KCNU1: variants seen among roughly 807,000 people sequenced by gnomAD.
KCNU1 encodes the protein potassium channel subfamily U member 1.
In KCNU1, 93 loss-of-function variants were observed where a neutral mutation model predicts 126.8. The ratio of observed to expected loss-of-function variants is 0.73; its 90% CI spans 0.62 to 0.87. KCNU1 has a LOEUF of 0.87. Ranked by LOEUF, KCNU1 falls within the 40% of genes least tolerant of loss-of-function variation. The pLI, the probability that KCNU1 is intolerant of heterozygous loss-of-function variation, is 0.00. For missense variants in KCNU1, 1,330 were observed against 1,367.1 expected, an observed-to-expected ratio of 0.97 and a Z score of 0.43; for synonymous variants, 523 against 494.2, an observed-to-expected ratio of 1.06 and a Z score of -0.77.
Position 36,833,870 on chromosome 8 carries a change from C to A in KCNU1, c.1212+211C>A, listed in dbSNP as rs571271600. Among the ~76,000 whole-genome samples, 7 of 152,204 alleles carry A rather than the reference C, an allele frequency of 4.6e-5. No homozygotes were observed. In the South Asian group the frequency reaches 1.5e-3, roughly 32 times the overall value. ...AATGTCAAGCAGACCTCACTGTTTG[C>A]CAACACTTATATTTAAATTATTTAT... On this transcript the variant is annotated intron_variant, in intron 11 of 26. Transcript: ENST00000399881.
At position 36,896,813 on chromosome 8, in the gene KCNU1, A is replaced by T. The variant is rs113434860; in HGVS notation, c.2010-8895A>T. On this transcript the variant is annotated intron_variant, in intron 19 of 26. Coordinates refer to ENST00000399881, the MANE Select transcript of KCNU1 (RefSeq NM_001031836.3). ...AAAAAGAAAGAGATTATAGGAAAAC[A>T]TTTCTTCTTGCAAAATAATCAAGAA... 2.1e-3 allele frequency among the ~76,000 whole-genome samples: 322 copies of T among 152,178 alleles called. 3 individuals carry two copies. The highest frequency in any genetic ancestry group is 7.4e-3 in the African/African-American group (306 of 41,546).
chr8:36,787,550 T>C (rs924562036), intron 2 of KCNU1, 125 bp downstream of exon 2: 3 of 796,064 alleles, frequency 3.8e-6, no homozygotes, highest in South Asian at 4.7e-5. Flanking sequence ...ATCTATAATA[T>C]CACCACCTCC....
At chr8:36,840,611 C>T (rs1265682196) in intron 15 of KCNU1, 36 bp downstream of exon 15, 2 of 1,169,948 alleles carry the variant, frequency 1.7e-6, no homozygotes, top group Non-Finnish European at 2.6e-6. Flanking sequence ...ATTCTTCAGA[C>T]AACAGCATTC....
chr8:36,897,182 G>GT, intron 19 of KCNU1, among the ~76,000 whole-genome samples: 1 of 151,990 alleles, frequency 6.6e-6, no homozygotes, highest in Non-Finnish European at 1.5e-5. Flanking sequence ...AGCTGTGTGT[G>GT]TGTGTGTTTG....
chr8:36,922,908 C>T (rs1378677415), intron 24 of KCNU1: 13 of 546,532 alleles, frequency 2.4e-5, no homozygotes, highest in African/African-American at 7.5e-5. Context: ...TCTAAGGCAT[C>T]GCTGCAGACC....
At chr8:36,810,853 G>GA (rs1563269333) in intron 7 of KCNU1, among the ~76,000 whole-genome samples, 2 of 151,868 alleles carry the variant, frequency 1.3e-5, no homozygotes, top group African/African-American at 4.8e-5. Context: ...GAAAAGTTAA[G>GA]AAAAAATGTC....
At chr8:36,918,439 T>G (rs1294660207) in intron 22 of KCNU1, among the ~76,000 whole-genome samples, 1 of 151,006 alleles carries the variant, frequency 6.6e-6, no homozygotes, top group Admixed American at 6.6e-5. Flanking sequence ...CCAGAAGTCC[T>G]AGCTACTCAG....
At chr8:36,924,376 T>G (rs545642946) in intron 24 of KCNU1, among the ~76,000 whole-genome samples, 1 of 152,274 alleles carries the variant, frequency 6.6e-6, no homozygotes, top group Non-Finnish European at 1.5e-5. Context: ...AGGCACAGTT[T>G]GCAAGTTTAA....
intron 19 of KCNU1, among the ~76,000 whole-genome samples, chr8:36,894,445 T>C (rs10110534): frequency 0.39 from 58,530 of 151,966 alleles, 11,415 homozygotes; most frequent in Admixed American, 0.44. Context: ...TTGCAGCAGA[T>C]GAAAAAATGT....
intron 22 of KCNU1, among the ~76,000 whole-genome samples, chr8:36,915,260 T>A (rs1250415543): frequency 2.0e-5 from 3 of 152,236 alleles, no homozygotes; most frequent in African/African-American, 7.2e-5. Flanking sequence ...CAGTCAAACC[T>A]TGTATATTGT....
At chr8:36,811,908 A>T (rs560488988) in intron 7 of KCNU1, among the ~76,000 whole-genome samples, 1 of 152,072 alleles carries the variant, frequency 6.6e-6, no homozygotes, top group Non-Finnish European at 1.5e-5. Flanking sequence ...CTAAAAATAT[A>T]AAAAAATTAG....
At chr8:36,809,481 A>G (rs1332490970) in intron 7 of KCNU1, among the ~76,000 whole-genome samples, 1 of 152,230 alleles carries the variant, frequency 6.6e-6, no homozygotes, top group Non-Finnish European at 1.5e-5. Flanking sequence ...TTCTCTCAAA[A>G]TTAATATAAA....
chr8:36,893,161 A>C (rs1263352801), intron 19 of KCNU1, among the ~76,000 whole-genome samples: 1 of 149,226 alleles, frequency 6.7e-6, no homozygotes. Context: ...TTTTGTAAAG[A>C]TGAGGTTTCG....
intron 22 of KCNU1, among the ~76,000 whole-genome samples, chr8:36,916,591 A>G (rs750737596): frequency 2.6e-5 from 4 of 152,182 alleles, no homozygotes; most frequent in African/African-American, 4.8e-5. Flanking sequence ...AATTTCAGAG[A>G]TATTTTTAAG....
intron 19 of KCNU1, among the ~76,000 whole-genome samples, chr8:36,879,211 G>GTATGTATATA (rs1554511846): frequency 2.0e-5 from 2 of 101,754 alleles, no homozygotes; most frequent in Admixed American, 2.5e-4. Context: ...GTGTGTGTGT[G>GTATGTATATA]TATATATATA....
At chr8:36,836,471 T>C in intron 13 of KCNU1, 106 bp downstream of exon 13, 1 of 773,380 alleles carries the variant, frequency 1.3e-6, no homozygotes, top group East Asian at 2.5e-5. Context: ...TTGCTAATCA[T>C]AGGTAAAATT....
At chr8:36,860,390 T>C (rs1805685927) in intron 18 of KCNU1, among the ~76,000 whole-genome samples, 1 of 152,150 alleles carries the variant, frequency 6.6e-6, no homozygotes, top group South Asian at 2.1e-4. Context: ...CCCCTGATGA[T>C]TTTTGGGTTC....
Position 36,931,135 on chromosome 8 carries a change from C to T in KCNU1, c.2921C>T (p.Ser974Leu), listed in dbSNP as rs1264931315. The T allele has an allele frequency of 6.2e-7, 1 of 1,605,802 alleles. No homozygotes were observed. ...GLLSLHETIL[S>L]DVNPRNTFGQ... is the part of the protein sequence containing the mutation. Reference sequence around the variant, plus strand: ...CTGTCCTTACACGAAACCATTTTATCAGACGTTAATGTGAGTCTACTCTTC... The same window carrying T: ...CTGTCCTTACACGAAACCATTTTATTAGACGTTAATGTGAGTCTACTCTTC... Residue 974 changes from serine (S) to leucine (L), a missense_variant, in exon 25 of 27, where the codon TCA becomes TTA. Transcript: ENST00000399881.
chr8:36,877,709 C>T (rs552699916), intron 19 of KCNU1, among the ~76,000 whole-genome samples: 3 of 152,230 alleles, frequency 2.0e-5, no homozygotes, highest in African/African-American at 7.2e-5. Flanking sequence ...TACACTTGTC[C>T]CTTCTTCTCT....
Sources: gnomAD v4.1 joint callset for allele counts (sites outside exome capture counted in the v4.1 genomes callset) on GRCh38, gnomAD v4.1.1 for gene constraint, MANE v1.5 for transcripts, NCBI Gene and HGNC (gene_info 2026-07-23, HGNC 2026-07-21) for gene names.